Variants in COL6A6 observed in about 807,000 individuals in gnomAD.
COL6A6 encodes collagen alpha-6(VI) chain.
A neutral mutation model predicts 208.6 loss-of-function variants in COL6A6; 183 were observed. That is an observed-to-expected ratio of 0.88 (90% CI 0.78 to 0.99). The LOEUF (loss-of-function observed/expected upper bound fraction) is 0.99. Among genes scored for constraint, COL6A6 ranks in the 50% least tolerant of loss-of-function variants. The probability of loss-of-function intolerance (pLI) is 0.00; values close to 1 mark genes in which losing one functional copy is unlikely to be tolerated. For missense variants in COL6A6, 2,816 were observed against 2,815.2 expected, an observed-to-expected ratio of 1.00 and a Z score of -0.01; for synonymous variants, 973 against 1,011.8, an observed-to-expected ratio of 0.96 and a Z score of 0.73.
At position 130,565,295 on chromosome 3, in the gene COL6A6, T is replaced by G; in HGVS notation, c.963T>G (p.Ser321Arg). ...AAAAGCTCAGGAAGGAAGTTTTTAG[T>G]GCACGGAATGGCAGTCGGAAGAATC... The part of the protein sequence containing the change: ...AIKKLRKEVF[S>R]ARNGSRKNQG... The change falls in exon 4 of 37, where the codon AGT (serine) becomes AGG (arginine). Residue 321 changes from serine (S) to arginine (R), a missense_variant. Physicochemically the swap from Ser to Arg is moderately radical, Grantham distance 110. Transcript: ENST00000358511. The G allele has an allele frequency of 6.2e-7, 1 of 1,614,030 alleles. No homozygotes were observed. The highest frequency in any genetic ancestry group is 1.7e-5 in the Admixed American group (1 of 60,020).
intron 4 of COL6A6, 83 bp from the exon 5 acceptor site, chr3:130,566,619 A>G (rs2107895933): frequency 1.7e-6 from 2 of 1,159,074 alleles, no homozygotes; most frequent in Middle Eastern, 2.9e-4. Context: ...GAAGAGGTTC[A>G]TATTTGTTCT....
At chr3:130,536,668 C>G (rs893360939) in intron 1 of COL6A6, among the ~76,000 whole-genome samples, 2 of 152,148 alleles carry the variant, frequency 1.3e-5, no homozygotes, top group African/African-American at 4.8e-5. Context: ...CAAGCATGTC[C>G]TGTTCAAGGA....
intron 1 of COL6A6, among the ~76,000 whole-genome samples, chr3:130,554,826 T>C (rs141346439): frequency 1.4e-4 from 21 of 152,190 alleles, no homozygotes; most frequent in African/African-American, 5.1e-4. Context: ...GAGGGGAACA[T>C]GTCAGTGAGC....
At chr3:130,551,350 T>G (rs1278388421) in intron 1 of COL6A6, among the ~76,000 whole-genome samples, 3 of 152,218 alleles carry the variant, frequency 2.0e-5, no homozygotes, top group Admixed American at 6.5e-5. Flanking sequence ...CAGAATTTGT[T>G]ATTGATCTGT....
chr3:130,574,010 T>C lies in COL6A6; in HGVS notation c.3032T>C (p.Ile1011Thr). Residue 1011 changes from isoleucine (I) to threonine (T), a missense_variant, in exon 8 of 37, where the codon ATT becomes ACT. Ile to Thr is a moderately conservative substitution (Grantham distance 89). Coordinates refer to ENST00000358511, the MANE Select transcript of COL6A6 (RefSeq NM_001102608.3). ...LVFLMDGSTS[I>T]QPNDFKKMKE... ...TTCCTTATGGATGGTTCAACTAGCA[T>C]TCAGCCAAATGACTTCAAGAAAATG... 6.2e-7 allele frequency: 1 copy of C among 1,613,860 alleles called. No homozygotes were observed. Among genetic ancestry groups the C allele is most frequent in the Non-Finnish European group, 8.5e-7 (1 of 1,179,774 alleles).
At chr3:130,557,955 C>T (rs1461042480) in intron 1 of COL6A6, among the ~76,000 whole-genome samples, 2 of 152,078 alleles carry the variant, frequency 1.3e-5, no homozygotes, top group Non-Finnish European at 2.9e-5. Flanking sequence ...AAGTATTAGC[C>T]TCAGCTTACT....
chr3:130,535,799 A>T (rs1270991805), intron 1 of COL6A6, among the ~76,000 whole-genome samples: 2 of 152,122 alleles, frequency 1.3e-5, no homozygotes, highest in African/African-American at 4.8e-5. Context: ...TAAGTTTCTT[A>T]TCTATGATTC....
At chr3:130,594,220 T>C in intron 17 of COL6A6, 61 bp from the exon 18 acceptor site, 2 of 1,269,064 alleles carry the variant, frequency 1.6e-6, no homozygotes, top group African/African-American at 2.9e-5. Context: ...AAAAGCTCTG[T>C]TTTTATTAAT....
chr3:130,670,400 T>G (rs114641759), intron 36 of COL6A6, among the ~76,000 whole-genome samples: 5 of 152,222 alleles, frequency 3.3e-5, no homozygotes, highest in African/African-American at 1.2e-4. Context: ...TGGGGTTTAG[T>G]GCTCTACAGT....
At position 130,649,499 on chromosome 3, in the gene COL6A6, G is replaced by A. The variant is rs2065569929; in HGVS notation, c.5670G>A (p.Ala1890=). The A allele has an allele frequency of 1.9e-6, 3 of 1,606,356 alleles. No individual in the cohort carries two copies. Among genetic ancestry groups the A allele is most frequent in the Non-Finnish European group, 2.6e-6 (3 of 1,176,438 alleles). Residue 1890 remains alanine, a synonymous_variant, in exon 33 of 37, where the codon GCG becomes GCA. Transcript: ENST00000358511. The stretch of plus-strand genomic sequence containing the variant: ...CCACGGCTGCCATGGAGTTCGGCGC[G>A]CTTGAAATCATTCCCGTGGTGATCA... ...SITTAAMEFG[A]LEIIPVVITF...
In COL6A6 at chr3:130,570,928, A is replaced by C; in HGVS notation, c.2512A>C (p.Lys838Gln). The C allele has an allele frequency of 6.2e-7, 1 of 1,614,006 alleles. No homozygotes were observed. Among genetic ancestry groups the C allele is most frequent in the Non-Finnish European group, 8.5e-7 (1 of 1,179,892 alleles). The change falls in exon 7 of 37, where the codon AAA becomes CAA. Residue 838 changes from lysine to glutamine, a missense_variant. Physicochemically the swap from Lys to Gln is moderately conservative, Grantham distance 53. Coordinates refer to ENST00000358511, the MANE Select transcript of COL6A6 (RefSeq NM_001102608.3). ...MKDFMIGLVKKADVGKNQVRF... is the reference protein window; with the variant it reads ...MKDFMIGLVKQADVGKNQVRF... Reference sequence around the variant, plus strand: ...GGATTTTATGATTGGCTTAGTGAAAAAAGCTGATGTGGGCAAGAATCAGGT... The same window carrying C: ...GGATTTTATGATTGGCTTAGTGAAACAAGCTGATGTGGGCAAGAATCAGGT...
rs2108305652 is a variant in COL6A6, at chr3:130,628,775, GCGTGAGCGACGCAGAAGA to G, written c.4992+1409_4992+1426del. Reference sequence around the variant, plus strand: ...GAACAGCTCCGGTCTACAGCTCCCTGCGTGAGCGACGCAGAAGACGGTGATTTCTGCATTTCCATCTGA... The same window carrying G: ...GAACAGCTCCGGTCTACAGCTCCCTGCGGTGATTTCTGCATTTCCATCTGA... On this transcript the variant is annotated intron_variant, in intron 26 of 36. Coordinates refer to ENST00000358511, the MANE Select transcript of COL6A6 (RefSeq NM_001102608.3). Among the ~76,000 whole-genome samples, 8 of 65,472 alleles carry G rather than the reference GCGTGAGCGACGCAGAAGA, an allele frequency of 1.2e-4. No homozygotes were observed. In the South Asian group the frequency reaches 2.7e-3, roughly 22 times the overall value. The allele number at this position is 65,472 out of a possible 152,430, so 43.0% of individuals were successfully genotyped here.
chr3:130,648,139 T>G (rs2065514413), intron 32 of COL6A6, among the ~76,000 whole-genome samples: 1 of 152,250 alleles, frequency 6.6e-6, no homozygotes, highest in Non-Finnish European at 1.5e-5. Context: ...CCAATGAGTA[T>G]GGATGCATAA....
At chr3:130,551,648 A>T in intron 1 of COL6A6, among the ~76,000 whole-genome samples, 5 of 128,078 alleles carry the variant, frequency 3.9e-5, no homozygotes, top group Admixed American at 7.7e-5. Context: ...TTTTTTTTTC[A>T]CATCTCCATT....
At chr3:130,670,755 C>A (rs1162993866) in intron 36 of COL6A6, among the ~76,000 whole-genome samples, 1 of 152,230 alleles carries the variant, frequency 6.6e-6, no homozygotes, top group Non-Finnish European at 1.5e-5. Context: ...GGCTGCAACA[C>A]TCTAGAGCAA....
rs565103102 is a variant in COL6A6 at position 130,610,843 on chromosome 3, A to G, written c.4815+132A>G. On this transcript the variant is annotated intron_variant, in intron 23 of 36. Coordinates refer to ENST00000358511, the MANE Select transcript of COL6A6 (RefSeq NM_001102608.3). ...GTGTATTAGGTTTCACTTCAGCTCA[A>G]TGTGGTGGCCACATCACATCATGGT... is the stretch of plus-strand genomic sequence containing the variant. The G allele has an allele frequency of 1.7e-4, 108 of 653,232 alleles. No homozygotes were observed. The Middle Eastern group carries it at 1.8e-3, about 11-fold the overall frequency. 40.5% of individuals were successfully genotyped at this position (653,232 alleles called of 1,614,324 possible).
intron 36 of COL6A6, among the ~76,000 whole-genome samples, chr3:130,673,728 C>T (rs778270112): frequency 6.6e-6 from 1 of 152,096 alleles, no homozygotes. Flanking sequence ...GAGGCCAAGG[C>T]AAGAAGACTG....
At chr3:130,528,634 A>G (rs1272756346) in intron 1 of COL6A6, among the ~76,000 whole-genome samples, 1 of 152,218 alleles carries the variant, frequency 6.6e-6, no homozygotes, top group African/African-American at 2.4e-5. Flanking sequence ...CTCACACACC[A>G]TAGTTTTCTG....
chr3:130,546,528 C>T (rs1408120384), intron 1 of COL6A6, among the ~76,000 whole-genome samples: 1 of 152,216 alleles, frequency 6.6e-6, no homozygotes, highest in Non-Finnish European at 1.5e-5. Context: ...CTGGCTCAGG[C>T]AGCCTGCGTT....
Sources: allele counts gnomAD v4.1 joint callset (sites outside exome capture counted in the v4.1 genomes callset), GRCh38; gene constraint gnomAD v4.1.1; transcripts MANE v1.5; gene names NCBI Gene and HGNC (gene_info 2026-07-23, HGNC 2026-07-21).